PLK5: variants seen among roughly 807,000 people sequenced by gnomAD.
PLK5 encodes the protein inactive serine/threonine-protein kinase PLK5.
Under a neutral mutation model 33.7 loss-of-function variants are expected in PLK5, and 28 were observed. That is an observed-to-expected ratio of 0.83 (90% CI 0.62 to 1.14). The LOEUF (loss-of-function observed/expected upper bound fraction) is 1.14, where lower values mean the gene tolerates loss of function less well. PLK5 is among the 50% of genes most tolerant of loss of function. PLK5 has a pLI of 0.00. For synonymous variants in PLK5, 225 were observed against 202.2 expected (o/e 1.11, Z -0.96); for missense variants, 492 against 461.5 (o/e 1.07, Z -0.61).
intron 12 of PLK5, among the ~76,000 whole-genome samples, chr19:1,532,523 T>TTC (rs199548020): frequency 0.2 from 7,090 of 35,894 alleles, 503 homozygotes; most frequent in African/African-American, 0.41. Flanking sequence ...ATTTTCTTCT[T>TTC]TTTTTTTTTT....
chr19:1,527,103 G>C (rs190308843), intron 6 of PLK5, 105 bp downstream of exon 6: 2 of 1,227,004 alleles, frequency 1.6e-6, no homozygotes, highest in Non-Finnish European at 1.1e-6. Context: ...AGGGTGGGGC[G>C]CGTGGAACAG....
chr19:1,528,873 C>A lies in PLK5; in HGVS notation c.329-25C>A, dbSNP rs755896867. ...CAGCTTGGGGCCCAGGCTGTGCCCC[C>A]TCCAAGGCCTTGTGCCTCCCTCAGG... On this transcript the variant is annotated intron_variant, in intron 8 of 13. Coordinates refer to ENST00000454744, the MANE Select transcript of PLK5 (RefSeq NM_001243079.2). 1.3e-5 allele frequency: 20 copies of A among 1,490,566 alleles called. No homozygotes were observed. In the South Asian group the frequency reaches 2.5e-4, roughly 18 times the overall value. 92.3% of individuals were successfully genotyped at this position (1,490,566 alleles called of 1,614,324 possible). A position where few individuals can be genotyped will look rare whatever the true frequency, so the allele number is the denominator to read the frequency against.
intron 10 of PLK5, 75 bp from the exon 11 acceptor site, chr19:1,529,672 G>T: frequency 6.8e-7 from 1 of 1,460,206 alleles, no homozygotes; most frequent in Non-Finnish European, 9.3e-7. Context: ...TGGAGCCGTG[G>T]GGAGGGGGAC....
intron 13 of PLK5, among the ~76,000 whole-genome samples, chr19:1,534,677 C>T (rs265285): frequency 0.42 from 61,752 of 147,632 alleles, 13,507 homozygotes; most frequent in African/African-American, 0.54. Flanking sequence ...ATTAGCCGGG[C>T]GTGGTGGCGG....
At position 1,529,453 on chromosome 19, in the gene PLK5, C is replaced by A. The variant is rs1211117575; in HGVS notation, c.453C>A (p.His151Gln). ...TTCCCTGCCTGGAAGGCCCCATCCA[C>A]CTGGTCGCACAAGGGACCCTGCAGA... ...KEVPCLEGPI[H>Q]LVAQGTLQSD... is the part of the protein sequence containing the mutation. Residue 151 changes from histidine (H) to glutamine (Q), a missense_variant, in exon 10 of 14, where the codon CAC becomes CAA. His to Gln is a conservative substitution (Grantham distance 24). Transcript: ENST00000454744. 1.3e-6 allele frequency: 2 copies of A among 1,536,054 alleles called. No homozygotes were observed. The highest frequency in any genetic ancestry group is 3.9e-5 in the Admixed American group (2 of 51,002).
intron 13 of PLK5, among the ~76,000 whole-genome samples, chr19:1,534,387 A>G (rs1326705218): frequency 2.0e-5 from 3 of 150,740 alleles, no homozygotes; most frequent in Non-Finnish European, 3.0e-5. Context: ...CCTTCCTGTA[A>G]TCCCAGCTAC....
At chr19:1,534,109 T>C (rs1329914178) in intron 13 of PLK5, 68 bp downstream of exon 13, 1 of 1,273,316 alleles carries the variant, frequency 7.9e-7, no homozygotes, top group South Asian at 1.3e-5. Context: ...CCTGGGCTGT[T>C]ACGGAGCAAG....
rs1032428392 is a variant in PLK5, at chr19:1,524,104, G to A, written c.-686G>A. Reference sequence around the variant, plus strand: ...AGCGGCCCCGGAGCGGCCGCAGCGCGGTGGTCTCGGCCCGGCTGCGCCAGA... The same window carrying A: ...AGCGGCCCCGGAGCGGCCGCAGCGCAGTGGTCTCGGCCCGGCTGCGCCAGA... On this transcript the variant is annotated 5_prime_UTR_variant, in exon 1 of 14. Coordinates refer to ENST00000454744, the MANE Select transcript of PLK5 (RefSeq NM_001243079.2). This position sits in a 1 kb window ranked among gnomAD's most constrained non-coding sequence, Gnocchi z 4.5. 1 of 151,136 alleles carries A rather than the reference G, an allele frequency of 6.6e-6. No individual in the cohort carries two copies. The highest frequency in any genetic ancestry group is 1.5e-5 in the Non-Finnish European group (1 of 67,640). 9.4% of individuals were successfully genotyped at this position (151,136 alleles called of 1,614,324 possible).
rs1461023016 is a variant in PLK5, at chr19:1,535,520, C to A, written c.*270C>A. On this transcript the variant is annotated 3_prime_UTR_variant, in exon 14 of 14. Transcript: ENST00000454744. ...GGAGCTTTGGCAAAGAAACGTTGAC[C>A]CCACGTGACGTTGCATCCTCCCTGT... 2.1e-6 allele frequency: 1 copy of A among 467,272 alleles called. No homozygotes were observed. The highest frequency in any genetic ancestry group is 3.7e-6 in the Non-Finnish European group (1 of 267,580). The allele number at this position is 467,272 out of a possible 1,614,324, so 28.9% of individuals were successfully genotyped here. A position where few individuals can be genotyped will look rare whatever the true frequency, so the allele number is the denominator to read the frequency against.
In PLK5 at chr19:1,528,295, TC is replaced by T; in HGVS notation, c.202-5del. On this transcript the variant is annotated splice_polypyrimidine_tract_variant and splice_region_variant and intron_variant, in intron 7 of 13. Coordinates refer to ENST00000454744, the MANE Select transcript of PLK5 (RefSeq NM_001243079.2). ...AGCCGGGGATAACCCCAAATCCCCA[TC>T]CAAAGGGTTTCACTCCAGACCGGCT... 6.5e-7 allele frequency: 1 copy of T among 1,535,730 alleles called. No individual in the cohort carries two copies. The highest frequency in any genetic ancestry group is 8.7e-7 in the Non-Finnish European group (1 of 1,146,750).
rs944031698 is a variant in PLK5, at chr19:1,525,707, G to T, written c.-317G>T. On this transcript the variant is annotated 5_prime_UTR_variant, in exon 3 of 14. Transcript: ENST00000454744. Reference sequence around the variant, plus strand: ...TACATGGTGCTGGAGTACTGCAGCCGCCAGGTGCCCAGGGGCGGGGAGAGG... The same window carrying T: ...TACATGGTGCTGGAGTACTGCAGCCTCCAGGTGCCCAGGGGCGGGGAGAGG... The T allele has an allele frequency of 6.5e-6, 1 of 152,760 alleles. No individual in the cohort carries two copies. The highest frequency in any genetic ancestry group is 1.5e-5 in the Non-Finnish European group (1 of 68,120). The allele number at this position is 152,760 out of a possible 1,614,324, so 9.5% of individuals were successfully genotyped here. A position where few individuals can be genotyped will look rare whatever the true frequency, so the allele number is the denominator to read the frequency against.
chr19:1,534,532 A>G lies in PLK5; in HGVS notation c.825+491A>G, dbSNP rs886932506. Among the ~76,000 whole-genome samples the G allele has an allele frequency of 6.9e-4, 96 of 139,570 alleles. 1 individual carries two copies. Among genetic ancestry groups the G allele is most frequent in the Non-Finnish European group, 8.4e-4 (55 of 65,166 alleles). The allele number at this position is 139,570 out of a possible 152,430, so 91.6% of individuals were successfully genotyped here. A position where few individuals can be genotyped will look rare whatever the true frequency, so the allele number is the denominator to read the frequency against. On this transcript the variant is annotated intron_variant, in intron 13 of 13. Coordinates refer to ENST00000454744, the MANE Select transcript of PLK5 (RefSeq NM_001243079.2). ...AAAAAAAAAAAAAAAAAGGCCGGGC[A>G]CGGTGGCTCACGCCTGTAATCCCAG...
Position 1,535,291 on chromosome 19 carries a change from A to T in PLK5, c.*41A>T. 1 of 1,507,100 alleles carries T rather than the reference A, an allele frequency of 6.6e-7. No homozygotes were observed. Among genetic ancestry groups the T allele is most frequent in the Non-Finnish European group, 8.8e-7 (1 of 1,131,616 alleles). The allele number at this position is 1,507,100 out of a possible 1,614,324, so 93.4% of individuals were successfully genotyped here. A position where few individuals can be genotyped will look rare whatever the true frequency, so the allele number is the denominator to read the frequency against. ...GAGTGGACCCCTGCATGGTAGTGCC[A>T]GGGACCCAGGCTCCATTTCCATTCC... On this transcript the variant is annotated 3_prime_UTR_variant, in exon 14 of 14. Coordinates refer to ENST00000454744, the MANE Select transcript of PLK5 (RefSeq NM_001243079.2).
At position 1,526,924 on chromosome 19, in the gene PLK5, C is replaced by T; in HGVS notation, c.-73C>T. ...CTAGAGTACTCTGTGGGACCCCTAA[C>T]TTCCTGGACCCTGAGGTTGTCTCCA... On this transcript the variant is annotated 5_prime_UTR_variant, in exon 6 of 14. Transcript: ENST00000454744. The T allele has an allele frequency of 6.6e-7, 1 of 1,518,608 alleles. No individual in the cohort carries two copies. Among genetic ancestry groups the T allele is most frequent in the Non-Finnish European group, 8.8e-7 (1 of 1,131,188 alleles). 94.1% of individuals were successfully genotyped at this position (1,518,608 alleles called of 1,614,324 possible).
At chr19:1,529,932 G>C in intron 11 of PLK5, 108 bp downstream of exon 11, 8 of 1,193,460 alleles carry the variant, frequency 6.7e-6, no homozygotes, top group Non-Finnish European at 8.1e-6. Context: ...GTGAGGAGTA[G>C]GGGTGAGGGA....
At chr19:1,534,124 G>C (rs1419430182) in intron 13 of PLK5, 83 bp downstream of exon 13, 14 of 1,097,296 alleles carry the variant, frequency 1.3e-5, no homozygotes, top group Admixed American at 2.3e-5. Context: ...AGCAAGCTTT[G>C]GGGGAGCCTT....
chr19:1,529,550 CAG>C (rs1913865062), intron 10 of PLK5, 60 bp downstream of exon 10: 2 of 1,494,130 alleles, frequency 1.3e-6, no homozygotes, highest in Admixed American at 3.9e-5. Context: ...TTACAAGTGA[CAG>C]GGGGACCAAG....
At position 1,533,930 on chromosome 19, in the gene PLK5, G is replaced by A. The variant is rs1375289221; in HGVS notation, c.715-1G>A. ...GTGACCTCAGCCGAGTCTGTCCACA[G>A]GAGGGGACCCTCCCCACACCTGTGC... is the stretch of plus-strand genomic sequence containing the variant. On this transcript the variant is annotated splice_acceptor_variant, in intron 12 of 13. Transcript: ENST00000454744. LOFTEE classifies it high-confidence loss of function. The A allele has an allele frequency of 1.3e-6, 2 of 1,533,226 alleles. No homozygotes were observed. The highest frequency in any genetic ancestry group is 2.4e-5 in the South Asian group (2 of 83,946). 95.0% of individuals were successfully genotyped at this position (1,533,226 alleles called of 1,614,324 possible).
chr19:1,533,946 A>C lies in PLK5; in HGVS notation c.730A>C (p.Thr244Pro). 6.5e-7 allele frequency: 1 copy of C among 1,534,252 alleles called. No homozygotes were observed. Among genetic ancestry groups the C allele is most frequent in the Non-Finnish European group, 8.7e-7 (1 of 1,146,612 alleles). ...ATPRREGTLP[T>P]PVPPAGPGLC... is the part of the protein sequence containing the mutation. ...CTGTCCACAGGAGGGGACCCTCCCC[A>C]CACCTGTGCCACCTGCTGGACCCGG... The change falls in exon 13 of 14, where the codon ACA becomes CCA. Residue 244 changes from threonine to proline, a missense_variant. Coordinates refer to ENST00000454744, the MANE Select transcript of PLK5 (RefSeq NM_001243079.2).
Sources: allele counts gnomAD v4.1 joint callset (sites outside exome capture counted in the v4.1 genomes callset), GRCh38; gene constraint gnomAD v4.1.1; non-coding constraint Gnocchi (gnomAD v3.1); transcripts MANE v1.5; gene names NCBI Gene and HGNC (gene_info 2026-07-23, HGNC 2026-07-21).